The following CCDC102B variants were observed in gnomAD, a reference collection of about 807,000 sequenced individuals.
CCDC102B encodes coiled-coil domain containing 102B, also known as coiled-coil domain-containing protein 102B.
Under a neutral mutation model 57.4 loss-of-function variants are expected in CCDC102B, and 75 were observed. That is an observed-to-expected ratio of 1.31 (90% CI 1.08 to 1.58). The LOEUF is 1.58. Among genes scored for constraint, CCDC102B ranks in the 40% most tolerant of loss-of-function variants. CCDC102B has a pLI of 0.00. For missense variants in CCDC102B, 636 were observed against 582.6 expected (o/e 1.09, Z -0.94); for synonymous variants, 206 against 201.9 (o/e 1.02, Z -0.17).
rs201117232 is a variant in CCDC102B, at chr18:69,002,731, A to AT, written c.1264-8194dup. Among the ~76,000 whole-genome samples the AT allele has an allele frequency of 4.8e-3, 734 of 151,884 alleles. 12 individuals carry two copies. The highest frequency in any genetic ancestry group is 0.016 in the African/African-American group (656 of 41,418). Reference sequence around the variant, plus strand: ...TATCTCTTTAAGTGAGATGAAAGTGATTTTTTTTTATTTTTAGAAACGACG... The same window carrying AT: ...TATCTCTTTAAGTGAGATGAAAGTGATTTTTTTTTTATTTTTAGAAACGACG... On this transcript the variant is annotated intron_variant, in intron 6 of 7. Transcript: ENST00000360242.
chr18:68,718,935 T>A (rs1471805843), intron 2 of CCDC102B, among the ~76,000 whole-genome samples: 1 of 152,220 alleles, frequency 6.6e-6, no homozygotes, highest in African/African-American at 2.4e-5. Context: ...AAATCTGTTG[T>A]ATATTGATTA....
chr18:69,024,246 C>G (rs1447239576), intron 7 of CCDC102B, among the ~76,000 whole-genome samples: 1 of 151,964 alleles, frequency 6.6e-6, no homozygotes, highest in Non-Finnish European at 1.5e-5. Flanking sequence ...GTTTGTCAGG[C>G]AAGTGATTTT....
In CCDC102B at chr18:68,950,986, G is replaced by A. The variant is rs557993705; in HGVS notation, c.1263+53558G>A. 1.1e-4 allele frequency among the ~76,000 whole-genome samples: 17 copies of A among 152,150 alleles called. No homozygotes were observed. The East Asian group carries it at 2.9e-3, about 26-fold the overall frequency. ...AAAGTGAAGATTCTTGTTATTACTG[G>A]AAATGTAAATATATATGGGACAGAG... On this transcript the variant is annotated intron_variant, in intron 6 of 7. Transcript: ENST00000360242.
chr18:68,935,490 T>C (rs1014778297), intron 6 of CCDC102B, among the ~76,000 whole-genome samples: 1 of 151,986 alleles, frequency 6.6e-6, no homozygotes, highest in African/African-American at 2.4e-5. Flanking sequence ...TTAATTTGTT[T>C]TATCTATGTT....
chr18:68,982,459 C>G (rs1199815162), intron 6 of CCDC102B, among the ~76,000 whole-genome samples: 4 of 151,816 alleles, frequency 2.6e-5, no homozygotes, highest in Admixed American at 1.3e-4. Flanking sequence ...AGATTATATG[C>G]ACATACACAT....
intron 2 of CCDC102B, among the ~76,000 whole-genome samples, chr18:68,724,907 T>C (rs2032521270): frequency 6.6e-6 from 1 of 152,216 alleles, no homozygotes; most frequent in Non-Finnish European, 1.5e-5. Context: ...TATTAGACTG[T>C]TCTCTTGCTG....
chr18:68,912,274 G>A (rs6566399), intron 6 of CCDC102B, among the ~76,000 whole-genome samples: 139,992 of 152,230 alleles, frequency 0.92, 64,432 homozygotes, highest in East Asian at 0.99. Flanking sequence ...TTGATAATCC[G>A]TAAAACACTA....
chr18:69,008,025 T>C (rs953525005), intron 6 of CCDC102B, among the ~76,000 whole-genome samples: 1 of 152,262 alleles, frequency 6.6e-6, no homozygotes, highest in African/African-American at 2.4e-5. Context: ...CACAAGGTCA[T>C]GTAATTGTAA....
At chr18:68,732,270 T>C (rs7234979) in intron 2 of CCDC102B, among the ~76,000 whole-genome samples, 7,176 of 151,790 alleles carry the variant, frequency 0.047, 582 homozygotes, top group African/African-American at 0.16. Flanking sequence ...ATAAACTGTT[T>C]GGTTAATAAT....
Position 68,888,825 on chromosome 18 carries a change from C to T in CCDC102B, c.1054-8394C>T, listed in dbSNP as rs1821921183. ...ACTGCCAGCTTTCTCCAATATAATA[C>T]TCACTTTGAAGTTAGTAAGTCATGT... is the stretch of plus-strand genomic sequence containing the variant. On this transcript the variant is annotated intron_variant, in intron 5 of 7. Transcript: ENST00000360242. Among the ~76,000 whole-genome samples, 3 of 152,258 alleles carry T rather than the reference C, an allele frequency of 2.0e-5. No individual in the cohort carries two copies. The South Asian group carries it at 6.2e-4, about 32-fold the overall frequency.
chr18:68,848,724 A>G (rs1216115585), intron 4 of CCDC102B, among the ~76,000 whole-genome samples: 2 of 151,952 alleles, frequency 1.3e-5, no homozygotes, highest in African/African-American at 4.8e-5. Context: ...ATGAATTCTG[A>G]GTGTGTGGAA....
At chr18:68,968,836 T>G (rs2050226951) in intron 6 of CCDC102B, among the ~76,000 whole-genome samples, 1 of 152,152 alleles carries the variant, frequency 6.6e-6, no homozygotes. Context: ...CATAATGTCT[T>G]CGAGGTCCAT....
At position 68,737,448 on chromosome 18, in the gene CCDC102B, T is replaced by TGTGGTG. The variant is rs10546668; in HGVS notation, c.-67+20872_-67+20877dup. On this transcript the variant is annotated intron_variant, in intron 2 of 3. Coordinates refer to the CCDC102B transcript ENST00000578970. ...ATTCTCCTCCCCATTGACTGGCGCT[T>TGTGGTG]GTGGTGGTGGTGGTGGTGGTGGTAG... 6.0e-5 allele frequency among the ~76,000 whole-genome samples: 9 copies of TGTGGTG among 150,636 alleles called. 1 individual carries two copies. The highest frequency in any genetic ancestry group is 6.8e-3 in the Middle Eastern group (2 of 294).
intron 7 of CCDC102B, among the ~76,000 whole-genome samples, chr18:69,019,632 C>G (rs940307403): frequency 7.2e-5 from 11 of 152,020 alleles, no homozygotes; most frequent in Non-Finnish European, 1.5e-5. Context: ...TTGGTGGAGT[C>G]TGTAGAGATT....
intron 6 of CCDC102B, among the ~76,000 whole-genome samples, chr18:68,952,109 C>A (rs925791425): frequency 1.3e-5 from 2 of 152,014 alleles, no homozygotes; most frequent in Non-Finnish European, 2.9e-5. Context: ...GCAAATGCAC[C>A]AATGGCCTAT....
At chr18:68,858,359 A>G (rs2038578793) in intron 4 of CCDC102B, among the ~76,000 whole-genome samples, 2 of 152,154 alleles carry the variant, frequency 1.3e-5, no homozygotes, top group African/African-American at 4.8e-5. Flanking sequence ...TTTGATTGTA[A>G]TGTACATTTA....
intron 2 of CCDC102B, among the ~76,000 whole-genome samples, chr18:68,764,161 G>T (rs2034349081): frequency 6.6e-6 from 1 of 151,982 alleles, no homozygotes; most frequent in Non-Finnish European, 1.5e-5. Context: ...CTCCAACAAG[G>T]CAACATTTCT....
intron 4 of CCDC102B, among the ~76,000 whole-genome samples, chr18:68,852,819 G>T (rs1299987793): frequency 2.0e-5 from 3 of 152,050 alleles, no homozygotes; most frequent in African/African-American, 4.8e-5. Context: ...TGAACGAAAC[G>T]ATTTTTGATT....
At chr18:68,784,742 T>G (rs952709468) in intron 2 of CCDC102B, among the ~76,000 whole-genome samples, 1 of 152,168 alleles carries the variant, frequency 6.6e-6, no homozygotes, top group African/African-American at 2.4e-5. Context: ...AAGCAACATG[T>G]TAGGATCAAG....
Sources: allele counts gnomAD v4.1 joint callset (sites outside exome capture counted in the v4.1 genomes callset), GRCh38; gene constraint gnomAD v4.1.1; transcripts MANE v1.5; gene names NCBI Gene and HGNC (gene_info 2026-07-23, HGNC 2026-07-21).